NBEAL1: variants seen among roughly 807,000 people sequenced by gnomAD.
NBEAL1 encodes the protein neurobeachin like 1, also known as neurobeachin-like protein 1.
A neutral mutation model predicts 351.3 loss-of-function variants in NBEAL1; 273 were observed. That is an observed-to-expected ratio of 0.78 (90% confidence interval 0.70 to 0.86). The LOEUF is 0.86. Ranked by LOEUF, NBEAL1 falls within the 40% of genes least tolerant of loss-of-function variation. The probability of loss-of-function intolerance (pLI) is 0.00; values close to 1 mark genes in which losing one functional copy is unlikely to be tolerated. For synonymous variants in NBEAL1, 1,050 were observed against 1,086.4 expected (o/e 0.97, Z 0.66); for missense variants, 2,961 against 3,201.3 (o/e 0.92, Z 1.81).
chr2:203,093,870 C>G (rs1430661348), intron 10 of NBEAL1, among the ~76,000 whole-genome samples: 1 of 151,960 alleles, frequency 6.6e-6, no homozygotes, highest in Non-Finnish European at 1.5e-5. Flanking sequence ...ATAAAAAAAA[C>G]AGGGAAAACC....
intron 11 of NBEAL1, among the ~76,000 whole-genome samples, 181 bp downstream of exon 11, chr2:203,097,814 A>T (rs1325047773): frequency 6.6e-6 from 1 of 152,250 alleles, no homozygotes; most frequent in African/African-American, 2.4e-5. Context: ...AAGGATAAAT[A>T]TCTTGGTGGT....
At chr2:203,138,490 GC>G in intron 30 of NBEAL1, 129 bp from the exon 31 acceptor site, 1 of 1,087,438 alleles carries the variant, frequency 9.2e-7, no homozygotes. Context: ...GATTCTTTTG[GC>G]TTTTGTCAAC....
At chr2:203,043,728 CAA>C (rs762609803) in intron 3 of NBEAL1, among the ~76,000 whole-genome samples, 32 of 62,952 alleles carry the variant, frequency 5.1e-4, no homozygotes, top group Non-Finnish European at 5.0e-4. Flanking sequence ...AACCCTGTCT[CAA>C]AAAAAAAAAA....
Position 203,208,694 on chromosome 2 carries a change from A to G in NBEAL1, c.7564A>G (p.Asn2522Asp), listed in dbSNP as rs1236126920. The G allele has an allele frequency of 1.9e-6, 3 of 1,612,872 alleles. No homozygotes were observed. In the East Asian group the frequency reaches 6.7e-5, roughly 36 times the overall value. ...TTTTCAGATTCTTTATGGACACACC[A>G]ACGAGGTACTGAGTGTCGGCATCAG... ...KPFQILYGHT[N>D]EVLSVGISTE... Residue 2522 changes from asparagine (N) to aspartate (D), a missense_variant, in exon 52 of 56, where the codon AAC becomes GAC. Asn to Asp is a conservative substitution (Grantham distance 23). Coordinates refer to ENST00000683969, the MANE Select transcript of NBEAL1 (RefSeq NM_001378026.1).
At chr2:203,152,176 TC>T (rs1414001570) in intron 35 of NBEAL1, among the ~76,000 whole-genome samples, 23 of 150,894 alleles carry the variant, frequency 1.5e-4, no homozygotes, top group Admixed American at 1.5e-3. Flanking sequence ...CAGGCTGGTC[TC>T]CAACTCCTGA....
chr2:203,136,039 C>G lies in NBEAL1; in HGVS notation c.4176C>G (p.Phe1392Leu). 1 of 1,613,642 alleles carries G rather than the reference C, an allele frequency of 6.2e-7. No individual in the cohort carries two copies. The highest frequency in any genetic ancestry group is 8.5e-7 in the Non-Finnish European group (1 of 1,179,828). Residue 1392 changes from phenylalanine (F) to leucine (L), a missense_variant, in exon 28 of 56, where the codon TTC (phenylalanine) becomes TTG (leucine). Transcript: ENST00000683969. Reference sequence around the variant, plus strand: ...TCAAATCAGAGAATCAAGAGGAATTCTGGCATAGTAACCCTTCACATTTGA... The same window carrying G: ...TCAAATCAGAGAATCAAGAGGAATTGTGGCATAGTAACCCTTCACATTTGA... ...LSFKSENQEE[F>L]WHSNPSHLSL...
At chr2:203,056,554 G>A in intron 5 of NBEAL1, 46 bp downstream of exon 5, 1 of 1,065,158 alleles carries the variant, frequency 9.4e-7, no homozygotes. Context: ...AGAACAACTA[G>A]GTTTTACTTT....
chr2:203,132,078 G>C lies in NBEAL1; in HGVS notation c.3670G>C (p.Ala1224Pro), dbSNP rs918148465. The change falls in exon 26 of 56, where the codon GCA (alanine) becomes CCA (proline). Residue 1224 changes from alanine (A) to proline (P), a missense_variant. Coordinates refer to ENST00000683969, the MANE Select transcript of NBEAL1 (RefSeq NM_001378026.1). The stretch of plus-strand genomic sequence containing the variant: ...GGGACTGGGACTCCTTCTTAATGAA[G>C]CACTTGTTAATACTTCTCTTATTAA... ...YSGLGLLLNE[A>P]LVNTSLIKNL... The C allele has an allele frequency of 3.2e-6, 5 of 1,549,794 alleles. No individual in the cohort carries two copies. Among genetic ancestry groups the C allele is most frequent in the Admixed American group, 3.9e-5 (2 of 50,864 alleles).
intron 52 of NBEAL1, 96 bp from the exon 53 acceptor site, chr2:203,209,065 T>C: frequency 9.9e-7 from 1 of 1,005,230 alleles, no homozygotes; most frequent in Admixed American, 2.4e-5. Flanking sequence ...TCTTGGTTCC[T>C]TTCCCACATT....
At chr2:203,042,175 C>G (rs1030018843) in intron 3 of NBEAL1, among the ~76,000 whole-genome samples, 10 of 152,202 alleles carry the variant, frequency 6.6e-5, no homozygotes, top group Non-Finnish European at 2.9e-5. Context: ...CAGACATTAG[C>G]CACTACAAGT....
At chr2:203,079,557 A>G (rs1003276560) in intron 8 of NBEAL1, among the ~76,000 whole-genome samples, 9 of 152,138 alleles carry the variant, frequency 5.9e-5, no homozygotes, top group Admixed American at 2.6e-4. Context: ...TCTTAGGTCG[A>G]AAGTTTTTAT....
At chr2:203,154,021 G>T (rs1010038555) in intron 35 of NBEAL1, among the ~76,000 whole-genome samples, 1 of 151,798 alleles carries the variant, frequency 6.6e-6, no homozygotes, top group Non-Finnish European at 1.5e-5. Context: ...GGAGGTGGGC[G>T]GATCACGAGG....
intron 15 of NBEAL1, 81 bp downstream of exon 15, chr2:203,110,363 A>AT: frequency 2.1e-6 from 3 of 1,447,466 alleles, no homozygotes; most frequent in South Asian, 2.7e-5. Context: ...AACAGCAGTC[A>AT]TTTTTTTGCT....
intron 49 of NBEAL1, among the ~76,000 whole-genome samples, chr2:203,200,116 C>T (rs72936348): frequency 0.091 from 13,873 of 152,284 alleles, 752 homozygotes; most frequent in Non-Finnish European, 0.12. Flanking sequence ...CAATGGCTCA[C>T]GCCTGTAATC....
chr2:203,117,610 C>T lies in NBEAL1; in HGVS notation c.2592+1540C>T, dbSNP rs986876806. The stretch of plus-strand genomic sequence containing the variant: ...CTCCCAGTTCTTTTGTCTTTTTTTC[C>T]TCAGTCCTTGCTGACCTCAGTTGCT... On this transcript the variant is annotated intron_variant, in intron 18 of 55. Transcript: ENST00000683969. 3.3e-5 allele frequency among the ~76,000 whole-genome samples: 5 copies of T among 151,938 alleles called. No individual in the cohort carries two copies. The East Asian group carries it at 9.6e-4, about 29-fold the overall frequency.
At chr2:203,025,436 T>C (rs114741178) in intron 2 of NBEAL1, among the ~76,000 whole-genome samples, 41 of 152,362 alleles carry the variant, frequency 2.7e-4, no homozygotes, top group African/African-American at 9.4e-4. Context: ...ACAATTATTA[T>C]ATCTGAAATA....
intron 18 of NBEAL1, among the ~76,000 whole-genome samples, chr2:203,118,542 A>T (rs1358080115): frequency 6.6e-6 from 1 of 151,934 alleles, no homozygotes; most frequent in Non-Finnish European, 1.5e-5. Flanking sequence ...AAATAATTGC[A>T]TATAATCCAA....
At chr2:203,091,941 T>C (rs2062072918) in intron 10 of NBEAL1, among the ~76,000 whole-genome samples, 1 of 152,224 alleles carries the variant, frequency 6.6e-6, no homozygotes, top group Admixed American at 6.5e-5. Context: ...ATTATTTTCA[T>C]GTGCCATAAT....
chr2:203,067,691 G>C (rs1275590646), intron 6 of NBEAL1, among the ~76,000 whole-genome samples: 1 of 151,948 alleles, frequency 6.6e-6, no homozygotes, highest in Non-Finnish European at 1.5e-5. Flanking sequence ...TTTAGGGAAT[G>C]AAAAAATATC....
Sources: allele counts gnomAD v4.1 joint callset (sites outside exome capture counted in the v4.1 genomes callset), GRCh38; gene constraint gnomAD v4.1.1; transcripts MANE v1.5; gene names NCBI Gene and HGNC (gene_info 2026-07-23, HGNC 2026-07-21).